The following AFAP1L2 variants were observed in gnomAD, a reference collection of about 807,000 sequenced individuals.
The protein encoded by AFAP1L2 is actin filament associated protein 1 like 2, also known as actin filament-associated protein 1-like 2.
AFAP1L2 carries 46 observed loss-of-function variants against 99.3 expected under a neutral mutation model. The observed-to-expected ratio is 0.46, with a 90% CI of 0.37 to 0.59. The LOEUF (loss-of-function observed/expected upper bound fraction) is 0.59, where lower values mean the gene tolerates loss of function less well. AFAP1L2 is among the 20% of genes least tolerant of loss of function. The pLI, the probability that AFAP1L2 is intolerant of heterozygous loss-of-function variation, is 0.00. For missense variants in AFAP1L2, 959 were observed against 1,034.9 expected (o/e 0.93, Z 1.01); for synonymous variants, 397 against 419.1 (o/e 0.95, Z 0.64).
At chr10:114,284,290 C>T in the AFAP1L2 span, among the ~76,000 whole-genome samples, 19 of 152,354 alleles carry the variant, frequency 1.2e-4, no homozygotes, top group African/African-American at 4.6e-4. Context: ...CTGAGACTTT[C>T]TGCGGATTAA....
intron 6 of AFAP1L2, 83 bp from the exon 7 acceptor site, chr10:114,314,133 T>C (rs1303476708): frequency 1.4e-6 from 2 of 1,392,062 alleles, no homozygotes; most frequent in African/African-American, 2.9e-5. Context: ...CCGCTGGACG[T>C]TGCAGGACTC....
intron 11 of AFAP1L2, 23 bp downstream of exon 11, chr10:114,304,696 C>G: frequency 6.3e-7 from 1 of 1,580,052 alleles, no homozygotes; most frequent in South Asian, 1.1e-5. Context: ...GCTGGCCCTG[C>G]TCCCCCTGCA....
intron 18 of AFAP1L2, 135 bp downstream of exon 18, chr10:114,296,843 C>T: frequency 6.8e-7 from 1 of 1,460,788 alleles, no homozygotes; most frequent in Non-Finnish European, 9.4e-7. Context: ...AAGCCATGGC[C>T]ACTCCTTGGT....
chr10:114,286,045 GT>G, the AFAP1L2 span: 1 of 1,614,084 alleles, frequency 6.2e-7, no homozygotes, highest in South Asian at 1.1e-5. Flanking sequence ...TCGTGAAGCG[GT>G]TTGTGCGGGC....
chr10:114,331,712 C>A, intron 4 of AFAP1L2, 91 bp downstream of exon 4: 1 of 938,194 alleles, frequency 1.1e-6, no homozygotes. Flanking sequence ...TCAGAAAATG[C>A]CAGACACTTA....
chr10:114,343,309 CA>C (rs1564928437), intron 1 of AFAP1L2, among the ~76,000 whole-genome samples: 1 of 152,198 alleles, frequency 6.6e-6, no homozygotes, highest in South Asian at 2.1e-4. Flanking sequence ...GCCCACCATC[CA>C]GAACCCTTGG....
At chr10:114,402,722 T>A (rs2058340285) in intron 1 of AFAP1L2, among the ~76,000 whole-genome samples, 1 of 152,192 alleles carries the variant, frequency 6.6e-6, no homozygotes, top group South Asian at 2.1e-4. Context: ...CAAAAGTTAT[T>A]AATACAAAAG....
the AFAP1L2 span, among the ~76,000 whole-genome samples, chr10:114,281,979 T>C: frequency 6.7e-5 from 10 of 150,256 alleles, no homozygotes; most frequent in African/African-American, 2.2e-4. Flanking sequence ...TGCATGTGGA[T>C]GTCCCTAATT....
At chr10:114,307,029 TGGAA>T (rs1218828751) in intron 10 of AFAP1L2, among the ~76,000 whole-genome samples, 2 of 151,116 alleles carry the variant, frequency 1.3e-5, no homozygotes, top group Non-Finnish European at 2.9e-5. Flanking sequence ...TTCAGGCCCC[TGGAA>T]GGATGACCCC....
chr10:114,321,102 C>T lies in AFAP1L2; in HGVS notation c.406+2069G>A, dbSNP rs549458344. On this transcript the variant is annotated intron_variant, in intron 5 of 18. Transcript: ENST00000304129. ...TCCCATCCCGCTCCCAGTCACCGGTCCCATCTCATCCCTGGTCCTGTTCTT... is the reference window on the plus strand; with the variant it reads ...TCCCATCCCGCTCCCAGTCACCGGTTCCATCTCATCCCTGGTCCTGTTCTT... Among the ~76,000 whole-genome samples, 231 of 152,328 alleles carry T rather than the reference C, an allele frequency of 1.5e-3. 1 individual carries two copies. The highest frequency in any genetic ancestry group is 5.4e-3 in the African/African-American group (225 of 41,578).
intron 2 of AFAP1L2, among the ~76,000 whole-genome samples, chr10:114,336,204 GTAA>G: frequency 1.3e-5 from 2 of 152,186 alleles, no homozygotes; most frequent in African/African-American, 4.8e-5. Flanking sequence ...CTCCAGGTTG[GTAA>G]GTAAGAAGTT....
chr10:114,302,389 CA>C lies in AFAP1L2; in HGVS notation c.1379del (p.Val460GlyfsTer10). Reference protein sequence around the residue: ...TDPEEFTYDYVDADRVSCIVS... With the variant: ...TDPEEFTYDYXDADRVSCIVS... ...CAATACAGGAGACCCTATCGGCATC[CA>C]CATAGTCGTAGGTGAACTCTTCTGG... On this transcript the variant is annotated frameshift_variant, in exon 12 of 19. Transcript: ENST00000304129. LOFTEE classifies it high-confidence loss of function. 3 of 1,614,188 alleles carry C rather than the reference CA, an allele frequency of 1.9e-6. No homozygotes were observed. The highest frequency in any genetic ancestry group is 2.5e-6 in the Non-Finnish European group (3 of 1,180,034).
intron 1 of AFAP1L2, among the ~76,000 whole-genome samples, chr10:114,382,389 T>A (rs1343159411): frequency 6.6e-6 from 1 of 152,116 alleles, no homozygotes; most frequent in African/African-American, 2.4e-5. Context: ...CTCACTTACA[T>A]GTGAGAGCTA....
rs770817943 is a variant in AFAP1L2, at chr10:114,308,542, G to A, written c.883-25C>T. On this transcript the variant is annotated intron_variant, in intron 8 of 18. Coordinates refer to ENST00000304129, the MANE Select transcript of AFAP1L2 (RefSeq NM_001001936.3). The stretch of plus-strand genomic sequence containing the variant: ...GCTATGGACAAAAGCGACATGAATG[G>A]GGATCACTGGCTGGGAACAGTTACC... 2.5e-6 allele frequency: 4 copies of A among 1,601,458 alleles called. No homozygotes were observed. The South Asian group carries it at 3.3e-5, about 13-fold the overall frequency.
chr10:114,388,742 T>C (rs575809527), intron 1 of AFAP1L2, among the ~76,000 whole-genome samples: 2 of 152,178 alleles, frequency 1.3e-5, no homozygotes, highest in Non-Finnish European at 1.5e-5. Flanking sequence ...CATTACAAAA[T>C]CACACATCCT....
intron 1 of AFAP1L2, chr10:114,393,561 TGAGTA>T (rs2057372682): frequency 6.6e-6 from 1 of 152,094 alleles, no homozygotes. Context: ...TCTTTCATCG[TGAGTA>T]GAGACCTGGA....
intron 1 of AFAP1L2, among the ~76,000 whole-genome samples, chr10:114,357,666 C>G (rs566282937): frequency 2.6e-5 from 4 of 152,244 alleles, no homozygotes; most frequent in Non-Finnish European, 5.9e-5. Flanking sequence ...TTCCAATTTC[C>G]CCATTTCTAA....
chr10:114,371,769 C>G (rs188546047), intron 1 of AFAP1L2, among the ~76,000 whole-genome samples: 1 of 147,246 alleles, frequency 6.8e-6, no homozygotes, highest in Admixed American at 7.0e-5. Context: ...TGTAACAAAC[C>G]TGCATGTTCT....
At chr10:114,328,322 C>T (rs1281370329) in intron 4 of AFAP1L2, among the ~76,000 whole-genome samples, 1 of 152,230 alleles carries the variant, frequency 6.6e-6, no homozygotes, top group East Asian at 1.9e-4. Flanking sequence ...CAGCCATAGG[C>T]CCTGAGGACC....
Sources: allele counts gnomAD v4.1 joint callset (sites outside exome capture counted in the v4.1 genomes callset), GRCh38; gene constraint gnomAD v4.1.1; transcripts MANE v1.5; gene names NCBI Gene and HGNC (gene_info 2026-07-23, HGNC 2026-07-21).